KCTD8: variants seen among roughly 807,000 people sequenced by gnomAD.
The protein encoded by KCTD8 is potassium channel tetramerization domain containing 8.
In KCTD8, 27 loss-of-function variants were observed where a neutral mutation model predicts 31.5. The observed-to-expected ratio is 0.86, with a 90% CI of 0.63 to 1.18. KCTD8 has a LOEUF of 1.18. KCTD8 is among the 50% of genes most tolerant of loss of function. The pLI is 0.00. For missense variants in KCTD8, 658 were observed against 647.7 expected (o/e 1.02, Z -0.17); for synonymous variants, 290 against 280.0 (o/e 1.04, Z -0.36).
At chr4:44,209,773 G>C (rs1433262011) in intron 1 of KCTD8, among the ~76,000 whole-genome samples, 1 of 151,986 alleles carries the variant, frequency 6.6e-6, no homozygotes, top group African/African-American at 2.4e-5. Flanking sequence ...GAACTGACAA[G>C]AACAAGTAAG....
At chr4:44,245,849 A>T (rs1715649102) in intron 1 of KCTD8, among the ~76,000 whole-genome samples, 1 of 152,044 alleles carries the variant, frequency 6.6e-6, no homozygotes, top group South Asian at 2.1e-4. Flanking sequence ...GACAGATCAG[A>T]AAAACTTGAA....
intron 1 of KCTD8, among the ~76,000 whole-genome samples, chr4:44,240,718 G>A (rs1715434560): frequency 6.6e-6 from 1 of 152,278 alleles, no homozygotes; most frequent in South Asian, 2.1e-4. Flanking sequence ...ATCTTCAGGA[G>A]TACAGGGCCA....
rs1028557916 is a variant in KCTD8, at chr4:44,426,446, G to A, written c.961+21117C>T. ...TGACATTATAAGAACAAGAGAGGAA[G>A]AGAATAGAGGAGGATGGGAGAGAAA... On this transcript the variant is annotated intron_variant, in intron 1 of 1. Transcript: ENST00000360029. Among the ~76,000 whole-genome samples the A allele has an allele frequency of 4.0e-5, 6 of 151,640 alleles. No homozygotes were observed. In the South Asian group the frequency reaches 1.2e-3, roughly 31 times the overall value.
rs146663592 is a variant in KCTD8, at chr4:44,286,637, A to G, written c.962-111387T>C. On this transcript the variant is annotated intron_variant, in intron 1 of 1. Transcript: ENST00000360029. The stretch of plus-strand genomic sequence containing the variant: ...AAAAGGGCCAATAACAGATACGTTT[A>G]AAGCTTTCTAGATAAAGGTAAGAAG... Among the ~76,000 whole-genome samples, 325 of 152,312 alleles carry G rather than the reference A, an allele frequency of 2.1e-3. 2 individuals carry two copies. Among genetic ancestry groups the G allele is most frequent in the Non-Finnish European group, 3.5e-3 (235 of 68,014 alleles).
chr4:44,401,870 A>T (rs1720673379), intron 1 of KCTD8, among the ~76,000 whole-genome samples: 1 of 152,196 alleles, frequency 6.6e-6, no homozygotes, highest in South Asian at 2.1e-4. Context: ...TTATTATGGC[A>T]TCAAATAAAT....
intron 1 of KCTD8, among the ~76,000 whole-genome samples, chr4:44,187,520 C>T (rs939611726): frequency 6.6e-6 from 1 of 152,220 alleles, no homozygotes; most frequent in Non-Finnish European, 1.5e-5. Flanking sequence ...TCTGAATCTA[C>T]CATTCTTTAT....
At chr4:44,197,554 T>C (rs1713986692) in intron 1 of KCTD8, among the ~76,000 whole-genome samples, 1 of 152,054 alleles carries the variant, frequency 6.6e-6, no homozygotes, top group Non-Finnish European at 1.5e-5. Context: ...AGAAAACCAA[T>C]AATAATTTGC....
chr4:44,271,320 T>C (rs1434900506), intron 1 of KCTD8, among the ~76,000 whole-genome samples: 2 of 152,148 alleles, frequency 1.3e-5, no homozygotes, highest in African/African-American at 2.4e-5. Flanking sequence ...TCAATCATGA[T>C]AGAGATATAT....
chr4:44,298,141 G>C (rs534062354), intron 1 of KCTD8, among the ~76,000 whole-genome samples: 1 of 152,230 alleles, frequency 6.6e-6, no homozygotes, highest in South Asian at 2.1e-4. Context: ...ACCACAAGAA[G>C]ATGCTGCAAG....
At chr4:44,255,046 G>A (rs989446565) in intron 1 of KCTD8, among the ~76,000 whole-genome samples, 1 of 151,868 alleles carries the variant, frequency 6.6e-6, no homozygotes, top group Non-Finnish European at 1.5e-5. Context: ...AAACTTAGAT[G>A]AGTATATAAG....
intron 1 of KCTD8, among the ~76,000 whole-genome samples, chr4:44,399,172 T>G (rs1241308937): frequency 6.6e-6 from 1 of 152,124 alleles, no homozygotes; most frequent in Non-Finnish European, 1.5e-5. Context: ...TGCTGAACAT[T>G]ACAGGCACAT....
At chr4:44,270,712 T>C (rs1205423155) in intron 1 of KCTD8, among the ~76,000 whole-genome samples, 3 of 152,250 alleles carry the variant, frequency 2.0e-5, no homozygotes, top group East Asian at 3.9e-4. Context: ...AAATGGGTCG[T>C]TGGCAACCAT....
intron 1 of KCTD8, among the ~76,000 whole-genome samples, chr4:44,228,362 C>T (rs1020444416): frequency 1.3e-5 from 2 of 151,964 alleles, no homozygotes; most frequent in African/African-American, 2.4e-5. Flanking sequence ...TAGGGTCTGC[C>T]CTTAGGAACT....
chr4:44,236,764 C>G (rs1715300477), intron 1 of KCTD8, among the ~76,000 whole-genome samples: 1 of 152,124 alleles, frequency 6.6e-6, no homozygotes, highest in Non-Finnish European at 1.5e-5. Context: ...TGTGTCCTTA[C>G]TCAAATCTCA....
At chr4:44,299,813 G>C (rs1358214770) in intron 1 of KCTD8, among the ~76,000 whole-genome samples, 1 of 144,192 alleles carries the variant, frequency 6.9e-6, no homozygotes, top group Non-Finnish European at 1.5e-5. Context: ...CTGTCGCCCA[G>C]GCCATCTCAG....
chr4:44,423,770 TA>T (rs5857957), intron 1 of KCTD8, among the ~76,000 whole-genome samples: 19,912 of 152,050 alleles, frequency 0.13, 2,630 homozygotes, highest in African/African-American at 0.33. Flanking sequence ...TCTTAAAACA[TA>T]AAAAAAGAAT....
chr4:44,396,105 G>C (rs1051347009), intron 1 of KCTD8, among the ~76,000 whole-genome samples: 2 of 152,042 alleles, frequency 1.3e-5, no homozygotes, highest in Admixed American at 6.6e-5. Context: ...ATCTGGGGGT[G>C]ATGAGAGACA....
chr4:44,284,975 G>A (rs922054557), intron 1 of KCTD8, among the ~76,000 whole-genome samples: 6 of 152,172 alleles, frequency 3.9e-5, no homozygotes, highest in Non-Finnish European at 7.4e-5. Flanking sequence ...GGAAACAACA[G>A]ATTCTGCAGA....
chr4:44,227,918 TTGTC>T (rs1221076869), intron 1 of KCTD8, among the ~76,000 whole-genome samples: 1 of 152,246 alleles, frequency 6.6e-6, no homozygotes, highest in Non-Finnish European at 1.5e-5. Context: ...CCTGTCATTC[TTGTC>T]TATCTAAAGA....
Sources: gnomAD v4.1 joint callset for allele counts (sites outside exome capture counted in the v4.1 genomes callset) on GRCh38, gnomAD v4.1.1 for gene constraint, MANE v1.5 for transcripts, NCBI Gene and HGNC (gene_info 2026-07-23, HGNC 2026-07-21) for gene names.